Variants in STAC2 observed in about 807,000 individuals in gnomAD.
STAC2 encodes SH3 and cysteine rich domain 2.
Under a neutral mutation model 49.0 loss-of-function variants are expected in STAC2, and 36 were observed. The ratio of observed to expected loss-of-function variants is 0.74; its 90% confidence interval spans 0.56 to 0.97. The LOEUF (loss-of-function observed/expected upper bound fraction) is 0.97. Among genes scored for constraint, STAC2 ranks in the 50% least tolerant of loss-of-function variants. The probability of loss-of-function intolerance (pLI) is 0.00; values close to 1 mark genes in which losing one functional copy is unlikely to be tolerated. For missense variants in STAC2, 527 were observed against 543.8 expected, an observed-to-expected ratio of 0.97 and a Z score of 0.31; for synonymous variants, 239 against 214.7, an observed-to-expected ratio of 1.11 and a Z score of -0.99.
In STAC2 at chr17:39,217,984, AG is replaced by A; in HGVS notation, c.279del (p.Ser94ProfsTer15). The A allele has an allele frequency of 2.9e-6, 4 of 1,360,318 alleles. No individual in the cohort carries two copies. Among genetic ancestry groups the A allele is most frequent in the Non-Finnish European group, 3.9e-6 (4 of 1,025,350 alleles). 84.3% of individuals were successfully genotyped at this position (1,360,318 alleles called of 1,614,324 possible). A position where few individuals can be genotyped will look rare whatever the true frequency, so the allele number is the denominator to read the frequency against. On this transcript the variant is annotated frameshift_variant, in exon 2 of 11. Transcript: ENST00000333461. LOFTEE classifies it high-confidence loss of function. ...AGGGGGCGTGGGACTGGGCATGGGG[AG>A]GGGGATGGGGTAGCCAGGCCCCTGT... ...ASDRGLATPS[P>X]SPCPVPRPLA... is the part of the protein sequence containing the mutation.
chr17:39,219,992 C>T (rs922900754), intron 1 of STAC2, among the ~76,000 whole-genome samples: 2 of 152,196 alleles, frequency 1.3e-5, no homozygotes, highest in African/African-American at 4.8e-5. Context: ...GGCCAGCAGG[C>T]AGCAAGACAG....
In STAC2 at chr17:39,217,223, G is replaced by A. The variant is rs758004258; in HGVS notation, c.398-50C>T. The A allele has an allele frequency of 7.6e-6, 12 of 1,572,660 alleles. No individual in the cohort carries two copies. The Admixed American group carries it at 1.2e-4, about 15-fold the overall frequency. ...TTGAGGACACCCCCGTGGGCAACAGGCAAAGGAGGGGCACATTAGGGGATG... is the reference window on the plus strand; with the variant it reads ...TTGAGGACACCCCCGTGGGCAACAGACAAAGGAGGGGCACATTAGGGGATG... On this transcript the variant is annotated intron_variant, in intron 2 of 10. Transcript: ENST00000333461.
chr17:39,225,826 C>T lies in STAC2; in HGVS notation c.-324G>A. ...TGAGCCGAGGGAGGGAGCCAAGGAG[C>T]TGTCCGTGTCCAGCCGGCTCCGCCG... On this transcript the variant is annotated 5_prime_UTR_variant, in exon 1 of 11. Transcript: ENST00000333461. The surrounding 1 kb of genome is among the most constrained non-coding windows in gnomAD (Gnocchi z 8.2). The T allele has an allele frequency of 3.0e-6, 1 of 332,322 alleles. No homozygotes were observed. The highest frequency in any genetic ancestry group is 5.6e-6 in the Non-Finnish European group (1 of 178,768). 20.6% of individuals were successfully genotyped at this position (332,322 alleles called of 1,614,324 possible). A position where few individuals can be genotyped will look rare whatever the true frequency, so the allele number is the denominator to read the frequency against.
rs1363887380 is a variant in STAC2 at position 39,215,130 on chromosome 17, C to CG, written c.686dup (p.Thr230AspfsTer6). 6.2e-7 allele frequency: 1 copy of CG among 1,613,902 alleles called. No homozygotes were observed. Among genetic ancestry groups the CG allele is most frequent in the Non-Finnish European group, 8.5e-7 (1 of 1,180,012 alleles). On this transcript the variant is annotated frameshift_variant, in exon 5 of 11. Coordinates refer to ENST00000333461, the MANE Select transcript of STAC2 (RefSeq NM_198993.5). LOFTEE classifies it high-confidence loss of function. ...TTGCCCACCATACCAGGCTCCTTGTCGGGGACTCAGAGGTGCTGCTGAAAC... is the reference window on the plus strand; with the variant it reads ...TTGCCCACCATACCAGGCTCCTTGTCGGGGGACTCAGAGGTGCTGCTGAAAC...
intron 1 of STAC2, among the ~76,000 whole-genome samples, chr17:39,222,694 C>G (rs2144261727): frequency 6.6e-6 from 1 of 152,252 alleles, no homozygotes; most frequent in Non-Finnish European, 1.5e-5. Context: ...GCAAGTGGGC[C>G]TGCCTGGTCA....
At position 39,225,886 on chromosome 17, in the gene STAC2, C is replaced by T. The variant is rs1212225582; in HGVS notation, c.-384G>A. 8.4e-6 allele frequency: 2 copies of T among 237,710 alleles called. No homozygotes were observed. Among genetic ancestry groups the T allele is most frequent in the Middle Eastern group, 1.5e-3 (1 of 676 alleles). 14.7% of individuals were successfully genotyped at this position (237,710 alleles called of 1,614,324 possible). On this transcript the variant is annotated 5_prime_UTR_variant, in exon 1 of 11. Transcript: ENST00000333461. This position sits in a 1 kb window ranked among gnomAD's most constrained non-coding sequence, Gnocchi z 8.2. Reference sequence around the variant, plus strand: ...CCCGCCCCCCATCCCCTCCCCTCCCCCGCCGGCCCCAGCCCGGCACCCGGC... The same window carrying T: ...CCCGCCCCCCATCCCCTCCCCTCCCTCGCCGGCCCCAGCCCGGCACCCGGC...
At chr17:39,221,910 C>T (rs531121420) in intron 1 of STAC2, among the ~76,000 whole-genome samples, 3 of 152,302 alleles carry the variant, frequency 2.0e-5, no homozygotes, top group East Asian at 1.9e-4. Context: ...CATCACCCTG[C>T]GATGGCCTGG....
intron 1 of STAC2, among the ~76,000 whole-genome samples, chr17:39,219,584 A>G: frequency 6.6e-6 from 1 of 152,194 alleles, no homozygotes; most frequent in East Asian, 1.9e-4. Flanking sequence ...GCAGGCTCTC[A>G]ACACATAGTA....
rs576092534 is a variant in STAC2, at chr17:39,214,477, A to G, written c.844-147T>C. 5.4e-6 allele frequency: 8 copies of G among 1,470,118 alleles called. No individual in the cohort carries two copies. In the South Asian group the frequency reaches 9.6e-5, roughly 18 times the overall value. 91.1% of individuals were successfully genotyped at this position (1,470,118 alleles called of 1,614,324 possible). ...GCAGGGAGAAGTGAGACCCTCGTAC[A>G]TGCTATGCTCACCCACCCCAAAGCG... On this transcript the variant is annotated intron_variant, in intron 7 of 10. Coordinates refer to ENST00000333461, the MANE Select transcript of STAC2 (RefSeq NM_198993.5).
chr17:39,225,903 G>A lies in STAC2; in HGVS notation c.-401C>T, dbSNP rs1016354557. The A allele has an allele frequency of 5.6e-5, 13 of 232,616 alleles. No homozygotes were observed. Among genetic ancestry groups the A allele is most frequent in the Non-Finnish European group, 1.0e-4 (12 of 118,288 alleles). The allele number at this position is 232,616 out of a possible 1,614,324, so 14.4% of individuals were successfully genotyped here. A position where few individuals can be genotyped will look rare whatever the true frequency, so the allele number is the denominator to read the frequency against. ...CCCCTCCCCCGCCGGCCCCAGCCCG[G>A]CACCCGGCGGCCCCTCCGCCCAGTC... On this transcript the variant is annotated 5_prime_UTR_variant, in exon 1 of 11. Transcript: ENST00000333461. This position sits in a 1 kb window ranked among gnomAD's most constrained non-coding sequence, Gnocchi z 8.2.
chr17:39,215,120 G>A lies in STAC2; in HGVS notation c.697C>T (p.Leu233=). The change falls in exon 5 of 11, where the codon CTG becomes TTG. Residue 233 remains leucine, a splice_region_variant and synonymous_variant. Transcript: ENST00000333461. ...SSTSESPTRS[L]SERDELTEDG... is the part of the protein sequence containing the mutation. ...CCCCCCCTTTTTGCCCACCATACCA[G>A]GCTCCTTGTCGGGGACTCAGAGGTG... 6.2e-7 allele frequency: 1 copy of A among 1,613,928 alleles called. No homozygotes were observed. The highest frequency in any genetic ancestry group is 8.5e-7 in the Non-Finnish European group (1 of 1,179,990).
rs1300155471 is a variant in STAC2 at position 39,225,635 on chromosome 17, G to A, written c.-133C>T. 5 of 867,274 alleles carry A rather than the reference G, an allele frequency of 5.8e-6. No individual in the cohort carries two copies. The highest frequency in any genetic ancestry group is 2.4e-4 in the Middle Eastern group (1 of 4,238). The allele number at this position is 867,274 out of a possible 1,614,324, so 53.7% of individuals were successfully genotyped here. A position where few individuals can be genotyped will look rare whatever the true frequency, so the allele number is the denominator to read the frequency against. ...CTGCCCCCAGTTAGCCCCCGGCACG[G>A]CAGCCCCCAACCCGCGGGAGCGGGC... On this transcript the variant is annotated 5_prime_UTR_variant, in exon 1 of 11. Transcript: ENST00000333461. This position sits in a 1 kb window ranked among gnomAD's most constrained non-coding sequence, Gnocchi z 8.2.
At position 39,212,295 on chromosome 17, in the gene STAC2, G is replaced by A; in HGVS notation, c.1233C>T (p.Ile411=). 3.7e-6 allele frequency: 6 copies of A among 1,607,450 alleles called. No individual in the cohort carries two copies. Among genetic ancestry groups the A allele is most frequent in the Non-Finnish European group, 5.1e-6 (6 of 1,176,404 alleles). ...ATCTGGGTTCCCTTGGCTCCTCTCA[G>A]ATCTCAGTCAGGGCGTCGACTGGCA... ...GLVPVDALTE[I] Residue 411 remains isoleucine (I), a synonymous_variant, in exon 11 of 11, where the codon ATC becomes ATT. Transcript: ENST00000333461.
At chr17:39,218,267 GC>G in intron 1 of STAC2, 94 bp from the exon 2 acceptor site, 1 of 1,202,504 alleles carries the variant, frequency 8.3e-7, no homozygotes, top group Non-Finnish European at 1.2e-6. Flanking sequence ...AGGGGCGGCA[GC>G]AGCAGCAGCA....
chr17:39,220,324 C>T lies in STAC2; in HGVS notation c.91-2151G>A, dbSNP rs536226246. Among the ~76,000 whole-genome samples, 3 of 152,326 alleles carry T rather than the reference C, an allele frequency of 2.0e-5. No homozygotes were observed. In the South Asian group the frequency reaches 6.2e-4, roughly 32 times the overall value. Reference sequence around the variant, plus strand: ...CCCCAAGAGGCAGGTGAACCGTCCACTGTTCTGTCCAGGGACCTCAGGCAT... The same window carrying T: ...CCCCAAGAGGCAGGTGAACCGTCCATTGTTCTGTCCAGGGACCTCAGGCAT... On this transcript the variant is annotated intron_variant, in intron 1 of 10. Transcript: ENST00000333461.
chr17:39,220,656 T>C (rs1163902989), intron 1 of STAC2, among the ~76,000 whole-genome samples: 1 of 151,926 alleles, frequency 6.6e-6, no homozygotes, highest in Admixed American at 6.6e-5. Context: ...GTATTTTTAA[T>C]AGAGGCGGGG....
At position 39,218,170 on chromosome 17, in the gene STAC2, G is replaced by A. The variant is rs1412796630; in HGVS notation, c.94C>T (p.Gln32Ter). The change falls in exon 2 of 11, where the codon CAG (glutamine) becomes TAG (stop). Residue 32 changes from glutamine to a stop codon, truncating the protein, a stop_gained. Coordinates refer to ENST00000333461, the MANE Select transcript of STAC2 (RefSeq NM_198993.5). LOFTEE classifies it high-confidence loss of function. ...TVSALQETKLQRFKRSLSLKT... is the reference protein window; with the variant it reads ...TVSALQETKL Reference sequence around the variant, plus strand: ...AGGGAGAGGGAGCGCTTGAATCGCTGGAGCTGGGAGAAAAAGAGGGAGCTG... The same window carrying A: ...AGGGAGAGGGAGCGCTTGAATCGCTAGAGCTGGGAGAAAAAGAGGGAGCTG... 2 of 1,613,332 alleles carry A rather than the reference G, an allele frequency of 1.2e-6. No individual in the cohort carries two copies. The highest frequency in any genetic ancestry group is 2.2e-5 in the East Asian group (1 of 44,888).
At chr17:39,215,273 C>G in intron 4 of STAC2, 43 bp from the exon 5 acceptor site, 1 of 1,601,116 alleles carries the variant, frequency 6.2e-7, no homozygotes, top group Non-Finnish European at 8.6e-7. Flanking sequence ...GCCTCAAAGC[C>G]CTGCATCTCT....
At chr17:39,213,583 CAT>C in intron 8 of STAC2, 25 bp from the exon 9 acceptor site, 1 of 1,612,170 alleles carries the variant, frequency 6.2e-7, no homozygotes, top group Non-Finnish European at 8.5e-7. Flanking sequence ...GCTAGGGTTG[CAT>C]ATGGAGCAGG....
Sources: gnomAD v4.1 joint callset for allele counts (sites outside exome capture counted in the v4.1 genomes callset) on GRCh38, gnomAD v4.1.1 for gene constraint, Gnocchi (gnomAD v3.1) non-coding constraint, MANE v1.5 for transcripts, NCBI Gene and HGNC (gene_info 2026-07-23, HGNC 2026-07-21) for gene names.